PRKACB: variants seen among roughly 807,000 people sequenced by gnomAD.
The protein encoded by PRKACB is protein kinase cAMP-activated catalytic subunit beta, also known as cAMP-dependent protein kinase catalytic subunit beta.
PRKACB carries 16 observed loss-of-function variants against 51.4 expected under a neutral mutation model. The ratio of observed to expected loss-of-function variants is 0.31; its 90% CI spans 0.21 to 0.47. PRKACB has a LOEUF of 0.47. PRKACB is among the 20% of genes least tolerant of loss of function. PRKACB has a pLI of 1.00. For synonymous variants in PRKACB, 147 were observed against 154.4 expected (o/e 0.95, Z 0.35); for missense variants, 309 against 464.5 (o/e 0.67, Z 3.08).
intron 6 of PRKACB, 67 bp downstream of exon 6, chr1:84,196,809 A>T (rs563981365): frequency 6.8e-5 from 99 of 1,450,718 alleles, no homozygotes; most frequent in Non-Finnish European, 8.7e-5. Context: ...GTATGTATGT[A>T]ACCCCAACTT....
At chr1:84,223,014 A>G (rs914217552) in intron 9 of PRKACB, among the ~76,000 whole-genome samples, 9 of 152,114 alleles carry the variant, frequency 5.9e-5, no homozygotes, top group African/African-American at 1.2e-4. Flanking sequence ...GATTGTATCT[A>G]TTTGATGTTT....
At chr1:84,230,375 C>T (rs565642428) in intron 9 of PRKACB, among the ~76,000 whole-genome samples, 5 of 152,300 alleles carry the variant, frequency 3.3e-5, no homozygotes, top group African/African-American at 1.2e-4. Flanking sequence ...GAGATGCCTC[C>T]AGCTTTGTTC....
At chr1:84,093,001 G>A (rs1482517705) in intron 1 of PRKACB, among the ~76,000 whole-genome samples, 4 of 151,280 alleles carry the variant, frequency 2.6e-5, no homozygotes, top group Non-Finnish European at 5.9e-5. Flanking sequence ...CCCCCCAGAC[G>A]TATGTACTAC....
intron 8 of PRKACB, among the ~76,000 whole-genome samples, chr1:84,207,671 T>C (rs1325299546): frequency 6.6e-6 from 1 of 152,196 alleles, no homozygotes; most frequent in Admixed American, 6.5e-5. Flanking sequence ...TTTTGAGTCA[T>C]GTAAGCCTAA....
intron 1 of PRKACB, among the ~76,000 whole-genome samples, chr1:84,102,248 G>T (rs376078544): frequency 4.6e-5 from 7 of 151,826 alleles, no homozygotes; most frequent in African/African-American, 1.7e-4. Flanking sequence ...TTAGCTGGGC[G>T]TGGTGTTGGG....
chr1:84,179,120 T>C, intron 1 of PRKACB, 57 bp from the exon 2 acceptor site: 3 of 1,473,746 alleles, frequency 2.0e-6, no homozygotes, highest in Non-Finnish European at 2.8e-6. Context: ...TAAATATTCT[T>C]ATACAGAATA....
intron 1 of PRKACB, among the ~76,000 whole-genome samples, chr1:84,097,306 A>C (rs1418509278): frequency 6.6e-6 from 1 of 151,648 alleles, no homozygotes; most frequent in Non-Finnish European, 1.5e-5. Context: ...TAGATACATT[A>C]GTAGATAGTA....
At chr1:84,116,561 C>A (rs1650648459) in intron 1 of PRKACB, among the ~76,000 whole-genome samples, 1 of 151,778 alleles carries the variant, frequency 6.6e-6, no homozygotes, top group Admixed American at 6.6e-5. Context: ...TAAATTTATT[C>A]CTAGGTATTC....
At chr1:84,164,150 T>A (rs1161008945) in intron 1 of PRKACB, 2 of 446,772 alleles carry the variant, frequency 4.5e-6, no homozygotes, top group Non-Finnish European at 5.9e-6. Context: ...AAAATGCAGA[T>A]ATACATATAT....
chr1:84,158,792 AT>A (rs1388503372), intron 1 of PRKACB, among the ~76,000 whole-genome samples: 2 of 152,100 alleles, frequency 1.3e-5, no homozygotes, highest in East Asian at 3.9e-4. Flanking sequence ...CTAAAAGTCT[AT>A]TTTTTGAGTT....
At chr1:84,175,885 G>T in intron 1 of PRKACB, 2 of 1,136,046 alleles carry the variant, frequency 1.8e-6, no homozygotes, top group Non-Finnish European at 2.4e-6. Flanking sequence ...AATTGAAAAT[G>T]TATACTTTTG....
At chr1:84,229,890 C>T (rs1675309447) in intron 9 of PRKACB, among the ~76,000 whole-genome samples, 1 of 152,068 alleles carries the variant, frequency 6.6e-6, no homozygotes, top group Non-Finnish European at 1.5e-5. Context: ...GTTGCCTGTT[C>T]ACTCTGATGG....
intron 1 of PRKACB, among the ~76,000 whole-genome samples, chr1:84,132,477 C>CA (rs1009759646): frequency 2.9e-4 from 44 of 151,466 alleles, no homozygotes; most frequent in Middle Eastern, 3.4e-3. Context: ...GAACTTTCAA[C>CA]AAAAAAAATT....
chr1:84,227,431 G>C (rs892699276), intron 9 of PRKACB, among the ~76,000 whole-genome samples: 1 of 151,974 alleles, frequency 6.6e-6, no homozygotes, highest in South Asian at 2.1e-4. Flanking sequence ...CTTGAGGCTT[G>C]TCAACTTTAT....
At chr1:84,078,404 G>T in intron 1 of PRKACB, 5 of 1,603,816 alleles carry the variant, frequency 3.1e-6, no homozygotes, top group Non-Finnish European at 4.3e-6. Context: ...GTATCCGCTG[G>T]GCGGGCCGGC....
At chr1:84,132,033 G>A (rs559109925) in intron 1 of PRKACB, among the ~76,000 whole-genome samples, 3 of 152,230 alleles carry the variant, frequency 2.0e-5, no homozygotes, top group East Asian at 1.9e-4. Context: ...CCCTATCCTG[G>A]TTTGGGGAGG....
At chr1:84,208,603 G>T in intron 8 of PRKACB, among the ~76,000 whole-genome samples, 1 of 152,190 alleles carries the variant, frequency 6.6e-6, no homozygotes, top group South Asian at 2.1e-4. Context: ...TGTCCTTGGC[G>T]CATCTGTAAA....
intron 9 of PRKACB, among the ~76,000 whole-genome samples, chr1:84,226,540 G>A (rs1482943419): frequency 6.6e-6 from 1 of 151,994 alleles, no homozygotes; most frequent in Non-Finnish European, 1.5e-5. Flanking sequence ...AGTAGGATAT[G>A]GGCAAAACAT....
chr1:84,180,020 C>T (rs1662707928), intron 2 of PRKACB, among the ~76,000 whole-genome samples: 1 of 143,248 alleles, frequency 7.0e-6, no homozygotes, highest in Admixed American at 7.0e-5. Flanking sequence ...TGTTCAACTC[C>T]CACTTATGAG....
Sources: gnomAD v4.1 joint callset for allele counts (sites outside exome capture counted in the v4.1 genomes callset) on GRCh38, gnomAD v4.1.1 for gene constraint, MANE v1.5 for transcripts, NCBI Gene and HGNC (gene_info 2026-07-23, HGNC 2026-07-21) for gene names.